CCDC7: variants seen among roughly 807,000 people sequenced by gnomAD.
CCDC7 encodes coiled-coil domain-containing protein 7.
Under a neutral mutation model 196.9 loss-of-function variants are expected in CCDC7, and 183 were observed. The ratio of observed to expected loss-of-function variants is 0.93; its 90% CI spans 0.82 to 1.05. The LOEUF (loss-of-function observed/expected upper bound fraction) is 1.05, where lower values mean the gene tolerates loss of function less well. CCDC7 is among the 50% of genes least tolerant of loss of function. The pLI is 0.00. For missense variants in CCDC7, 1,540 were observed against 1,482.2 expected (o/e 1.04, Z -0.64); for synonymous variants, 525 against 484.6 (o/e 1.08, Z -1.10).
At chr10:32,506,745 G>A (rs909830442) in intron 9 of CCDC7, among the ~76,000 whole-genome samples, 5 of 152,048 alleles carry the variant, frequency 3.3e-5, no homozygotes, top group South Asian at 2.1e-4. Context: ...CCAGGCACTC[G>A]GCGGGCCAAG....
intron 1 of CCDC7, among the ~76,000 whole-genome samples, chr10:32,452,521 G>C (rs1471489170): frequency 1.3e-5 from 2 of 152,238 alleles, no homozygotes; most frequent in Non-Finnish European, 2.9e-5. Flanking sequence ...GCCGTGGCAT[G>C]ATCTTGGCTC....
intron 18 of CCDC7, among the ~76,000 whole-genome samples, chr10:32,601,094 C>A (rs941076258): frequency 1.2e-4 from 19 of 152,040 alleles, no homozygotes; most frequent in Non-Finnish European, 2.1e-4. Context: ...TTGAGGCTCG[C>A]TTGTATGTGA....
downstream of CCDC7, among the ~76,000 whole-genome samples, chr10:32,880,444 AC>A (rs2137061728): frequency 6.6e-6 from 1 of 151,990 alleles, no homozygotes; most frequent in East Asian, 1.9e-4. Flanking sequence ...TTTATGTTAG[AC>A]CTTTGTCAGA....
intron 9 of CCDC7, among the ~76,000 whole-genome samples, chr10:32,501,007 C>T (rs1271817767): frequency 8.5e-5 from 13 of 152,092 alleles, no homozygotes; most frequent in African/African-American, 1.7e-4. Context: ...TACAGTCCAG[C>T]CTCCGCTCGG....
intron 41 of CCDC7, among the ~76,000 whole-genome samples, chr10:32,859,790 C>A (rs548472440): frequency 6.6e-6 from 1 of 152,160 alleles, no homozygotes; most frequent in East Asian, 1.9e-4. Context: ...AACGCCTCTA[C>A]GCAAATTAAC....
chr10:32,685,182 G>A (rs528374190), intron 21 of CCDC7, among the ~76,000 whole-genome samples: 84 of 141,864 alleles, frequency 5.9e-4, no homozygotes, highest in African/African-American at 1.9e-3. Flanking sequence ...CTTACCTAAC[G>A]GTGGCATACA....
chr10:32,842,947 A>C (rs1031745385), intron 33 of CCDC7, among the ~76,000 whole-genome samples: 2 of 151,722 alleles, frequency 1.3e-5, no homozygotes, highest in Admixed American at 1.3e-4. Context: ...GGGAAAGAGT[A>C]GGGGGGGCAA....
chr10:32,882,247 G>A (rs2094816879), intron 22 of CCDC7, among the ~76,000 whole-genome samples: 1 of 152,180 alleles, frequency 6.6e-6, no homozygotes, highest in South Asian at 2.1e-4. Flanking sequence ...GATATCAAGT[G>A]TAGAGGGATT....
chr10:32,554,224 C>G (rs142824746), intron 13 of CCDC7, among the ~76,000 whole-genome samples: 1 of 152,196 alleles, frequency 6.6e-6, no homozygotes, highest in Non-Finnish European at 1.5e-5. Context: ...GGCTTGAAAA[C>G]TTGCTCCAAG....
At chr10:32,775,174 C>T (rs1172805853) in intron 28 of CCDC7, among the ~76,000 whole-genome samples, 1 of 152,142 alleles carries the variant, frequency 6.6e-6, no homozygotes, top group Non-Finnish European at 1.5e-5. Flanking sequence ...TCAGTGATGA[C>T]ACTTTGGAGG....
chr10:32,531,664 G>A (rs915734408), intron 11 of CCDC7, among the ~76,000 whole-genome samples: 7 of 152,154 alleles, frequency 4.6e-5, no homozygotes, highest in Non-Finnish European at 7.4e-5. Flanking sequence ...AAATCCAGCA[G>A]TGAAACCATC....
Position 32,802,745 on chromosome 10 carries a change from A to G in CCDC7, c.3014-2270A>G, listed in dbSNP as rs962439225. Among the ~76,000 whole-genome samples the G allele has an allele frequency of 9.2e-5, 14 of 152,282 alleles. No individual in the cohort carries two copies. The Middle Eastern group carries it at 0.014, about 148-fold the overall frequency. On this transcript the variant is annotated intron_variant, in intron 29 of 41. Coordinates refer to ENST00000639629, the Ensembl canonical transcript of CCDC7. ...AAGGCCTGAGAGCCCCTGGAAAACT[A>G]CTGGTGTAGGTCCAAGAGTCCAAAA...
chr10:32,567,787 G>T, exon 15 of CCDC7: 2 of 1,613,438 alleles, frequency 1.2e-6, no homozygotes, highest in Non-Finnish European at 1.7e-6. Flanking sequence ...AAAAGTTAAA[G>T]GTGAAGATTC....
chr10:32,816,336 A>G (rs2088531557), intron 31 of CCDC7, among the ~76,000 whole-genome samples: 1 of 152,208 alleles, frequency 6.6e-6, no homozygotes, highest in East Asian at 1.9e-4. Flanking sequence ...CAAAGCAGCC[A>G]GGAAGCTCAA....
chr10:32,804,088 T>C (rs1335863276), intron 29 of CCDC7, among the ~76,000 whole-genome samples: 4 of 152,218 alleles, frequency 2.6e-5, no homozygotes, highest in Non-Finnish European at 5.9e-5. Context: ...ATCTATTATG[T>C]CTAGGTAACA....
intron 16 of CCDC7, among the ~76,000 whole-genome samples, chr10:32,574,863 A>AT (rs1022235022): frequency 9.2e-5 from 14 of 152,058 alleles, no homozygotes; most frequent in Non-Finnish European, 1.3e-4. Flanking sequence ...GAACATGTCC[A>AT]TTTTTTTTCT....
At chr10:32,850,466 A>G (rs2093509410) in intron 39 of CCDC7, among the ~76,000 whole-genome samples, 1 of 152,306 alleles carries the variant, frequency 6.6e-6, no homozygotes, top group East Asian at 1.9e-4. Context: ...TACTTTTGTC[A>G]TATTCACCAA....
intron 18 of CCDC7, among the ~76,000 whole-genome samples, chr10:32,600,576 G>T (rs1268259854): frequency 6.6e-6 from 1 of 151,946 alleles, no homozygotes; most frequent in Admixed American, 6.6e-5. Context: ...GAATGCTCTG[G>T]CTAGGACTTC....
chr10:32,845,656 T>G, intron 35 of CCDC7, 30 bp downstream of exon 36: 2 of 1,543,846 alleles, frequency 1.3e-6, no homozygotes, highest in South Asian at 1.1e-5. Context: ...AGACTAATAT[T>G]TATGGTTTAT....
Sources: gnomAD v4.1 joint callset for allele counts (sites outside exome capture counted in the v4.1 genomes callset) on GRCh38, gnomAD v4.1.1 for gene constraint, MANE v1.5 for transcripts, NCBI Gene and HGNC (gene_info 2026-07-23, HGNC 2026-07-21) for gene names.